Variants in NRXN1 observed in about 807,000 individuals in gnomAD.
NRXN1 encodes the protein neurexin 1, also known as neurexin-1.
In NRXN1, 39 loss-of-function variants were observed where a neutral mutation model predicts 150.9. The observed-to-expected ratio is 0.26, with a 90% CI of 0.20 to 0.34. The LOEUF (loss-of-function observed/expected upper bound fraction) is 0.34, where lower values mean the gene tolerates loss of function less well. Ranked by LOEUF, NRXN1 falls within the 10% of genes least tolerant of loss-of-function variation. The pLI, the probability that NRXN1 is intolerant of heterozygous loss-of-function variation, is 1.00. For synonymous variants in NRXN1, 924 were observed against 757.0 expected (o/e 1.22, Z -3.62); for missense variants, 1,815 against 1,949.9 (o/e 0.93, Z 1.30).
At chr2:50,650,166 C>A (rs1222306363) in intron 5 of NRXN1, among the ~76,000 whole-genome samples, 1 of 151,988 alleles carries the variant, frequency 6.6e-6, no homozygotes, top group East Asian at 1.9e-4. Context: ...GCTTATTTAA[C>A]CTCTGGTGAG....
intron 17 of NRXN1, among the ~76,000 whole-genome samples, chr2:50,344,310 A>G (rs1007185897): frequency 6.6e-6 from 1 of 152,194 alleles, no homozygotes; most frequent in South Asian, 2.1e-4. Flanking sequence ...GAGAGAAAGG[A>G]TGAAGTATGA....
At chr2:50,018,916 T>G (rs887246082) in intron 21 of NRXN1, among the ~76,000 whole-genome samples, 1 of 152,168 alleles carries the variant, frequency 6.6e-6, no homozygotes. Flanking sequence ...TGTGTCTCAT[T>G]TGGGATGAAG....
intron 5 of NRXN1, among the ~76,000 whole-genome samples, chr2:50,836,516 A>C (rs1383050009): frequency 2.0e-5 from 3 of 151,664 alleles, no homozygotes; most frequent in African/African-American, 7.3e-5. Context: ...CCACCATTCT[A>C]CTCTTTATGA....
intron 21 of NRXN1, among the ~76,000 whole-genome samples, chr2:50,021,217 T>A (rs768249): frequency 0.68 from 103,691 of 152,010 alleles, 35,564 homozygotes; most frequent in Middle Eastern, 0.75. Context: ...GTGAAATATC[T>A]GCTGGGATTT....
chr2:50,750,484 CT>C (rs1388571684), intron 5 of NRXN1, among the ~76,000 whole-genome samples: 1 of 151,786 alleles, frequency 6.6e-6, no homozygotes, highest in African/African-American at 2.4e-5. Flanking sequence ...AAGAAAGAAC[CT>C]AATGCAAATG....
At chr2:50,989,586 G>A (rs975444550) in intron 2 of NRXN1, among the ~76,000 whole-genome samples, 5 of 151,870 alleles carry the variant, frequency 3.3e-5, no homozygotes, top group African/African-American at 1.2e-4. Flanking sequence ...CTTGCCCTTA[G>A]TGAAAACCAT....
chr2:51,024,064 A>AT (rs1670044028), intron 2 of NRXN1, among the ~76,000 whole-genome samples: 1 of 152,222 alleles, frequency 6.6e-6, no homozygotes, highest in African/African-American at 2.4e-5. Context: ...CTTATTGATT[A>AT]TCCTTGTTAT....
intron 21 of NRXN1, among the ~76,000 whole-genome samples, chr2:49,960,066 C>T (rs1675657394): frequency 6.6e-6 from 1 of 152,136 alleles, no homozygotes; most frequent in Non-Finnish European, 1.5e-5. Flanking sequence ...ATTGGAAAGC[C>T]TTCTTTTTTT....
intron 18 of NRXN1, among the ~76,000 whole-genome samples, chr2:50,230,428 T>A (rs57336023): frequency 0.011 from 1,621 of 152,158 alleles, 33 homozygotes; most frequent in African/African-American, 0.038. Flanking sequence ...TTTACCCATA[T>A]ATAATTGCAG....
At chr2:50,600,715 T>C (rs1179737988) in intron 8 of NRXN1, among the ~76,000 whole-genome samples, 1 of 152,208 alleles carries the variant, frequency 6.6e-6, no homozygotes, top group East Asian at 1.9e-4. Context: ...ACTTAGAAGT[T>C]TCTACAGAAA....
intron 5 of NRXN1, among the ~76,000 whole-genome samples, chr2:50,750,692 C>G (rs1284167845): frequency 6.6e-6 from 1 of 151,986 alleles, no homozygotes; most frequent in Non-Finnish European, 1.5e-5. Context: ...AGCACCACCA[C>G]CAAAGTTCTT....
At chr2:50,911,956 AT>A (rs568032548) in intron 5 of NRXN1, among the ~76,000 whole-genome samples, 12 of 151,478 alleles carry the variant, frequency 7.9e-5, no homozygotes, top group South Asian at 4.2e-4. Flanking sequence ...GAATAACTAC[AT>A]TTTTTTTCAG....
At chr2:49,924,437 T>A (rs956544808) in intron 22 of NRXN1, among the ~76,000 whole-genome samples, 3 of 152,172 alleles carry the variant, frequency 2.0e-5, no homozygotes, top group Admixed American at 2.0e-4. Flanking sequence ...ATTGATATCG[T>A]AAATGGACTA....
chr2:50,108,592 G>C (rs971497428), intron 18 of NRXN1, among the ~76,000 whole-genome samples: 4 of 151,964 alleles, frequency 2.6e-5, no homozygotes, highest in African/African-American at 9.7e-5. Flanking sequence ...TGAGAAAAAA[G>C]CAAAATACTA....
chr2:50,111,865 T>C (rs1342933124), intron 18 of NRXN1, among the ~76,000 whole-genome samples: 1 of 152,218 alleles, frequency 6.6e-6, no homozygotes, highest in Non-Finnish European at 1.5e-5. Context: ...CTATCTAGTT[T>C]GTTAATAAGC....
chr2:50,713,798 T>C (rs1485102341), intron 5 of NRXN1, among the ~76,000 whole-genome samples: 1 of 152,210 alleles, frequency 6.6e-6, no homozygotes, highest in Non-Finnish European at 1.5e-5. Flanking sequence ...GAGTAGTTTG[T>C]AACTAGCTAA....
chr2:50,473,893 T>C (rs900876077), intron 15 of NRXN1, among the ~76,000 whole-genome samples: 1 of 152,020 alleles, frequency 6.6e-6, no homozygotes, highest in Non-Finnish European at 1.5e-5. Context: ...TCTTGAACTG[T>C]ACTCATGAAT....
At chr2:50,516,824 A>G (rs1325629199) in intron 12 of NRXN1, among the ~76,000 whole-genome samples, 5 of 152,150 alleles carry the variant, frequency 3.3e-5, no homozygotes, top group Non-Finnish European at 7.3e-5. Context: ...TAAAAATACT[A>G]GAAATACTCA....
intron 17 of NRXN1, among the ~76,000 whole-genome samples, chr2:50,376,811 TAAC>T (rs1270956340): frequency 6.6e-6 from 1 of 152,128 alleles, no homozygotes; most frequent in Non-Finnish European, 1.5e-5. Context: ...AACAATAACT[TAAC>T]AACCATTCCA....
Sources: gnomAD v4.1 joint callset for allele counts (sites outside exome capture counted in the v4.1 genomes callset) on GRCh38, gnomAD v4.1.1 for gene constraint, MANE v1.5 for transcripts, NCBI Gene and HGNC (gene_info 2026-07-23, HGNC 2026-07-21) for gene names.